RNF216: variants seen among roughly 807,000 people sequenced by gnomAD.
The protein encoded by RNF216 is E3 ubiquitin-protein ligase RNF216.
RNF216 carries 72 observed loss-of-function variants against 110.8 expected under a neutral mutation model. That is an observed-to-expected ratio of 0.65 (90% CI 0.54 to 0.79). The LOEUF (loss-of-function observed/expected upper bound fraction) is 0.79. Ranked by LOEUF, RNF216 falls within the 30% of genes least tolerant of loss-of-function variation. The pLI, the probability that RNF216 is intolerant of heterozygous loss-of-function variation, is 0.00. For missense variants in RNF216, 1,342 were observed against 1,141.2 expected (o/e 1.18, Z -2.54); for synonymous variants, 495 against 407.5 (o/e 1.21, Z -2.59).
intron 15 of RNF216, among the ~76,000 whole-genome samples, chr7:5,628,649 G>A (rs1449387412): frequency 6.6e-6 from 1 of 150,680 alleles, no homozygotes; most frequent in Non-Finnish European, 1.5e-5. Context: ...TAGCCTCTTG[G>A]TAGCTCAGAC....
At chr7:5,720,965 C>G (rs1793381606) in intron 9 of RNF216, 68 bp downstream of exon 9, 1 of 1,476,560 alleles carries the variant, frequency 6.8e-7, no homozygotes, top group South Asian at 1.2e-5. Flanking sequence ...CAGTTTTGTA[C>G]TAACTAAACC....
At chr7:5,743,723 A>C (rs1351595992) in intron 3 of RNF216, among the ~76,000 whole-genome samples, 2 of 152,230 alleles carry the variant, frequency 1.3e-5, no homozygotes, top group African/African-American at 4.8e-5. Flanking sequence ...AACTGGTAAC[A>C]ACAGTTCCTC....
intron 10 of RNF216, 88 bp from the exon 11 acceptor site, chr7:5,715,278 C>T: frequency 7.4e-7 from 1 of 1,354,276 alleles, no homozygotes; most frequent in Non-Finnish European, 1.0e-6. Flanking sequence ...TCTGCCACCC[C>T]CCACACAAAT....
chr7:5,769,720 C>CA (rs1049597355), intron 1 of RNF216, among the ~76,000 whole-genome samples: 11 of 148,422 alleles, frequency 7.4e-5, no homozygotes, highest in Admixed American at 1.3e-4. Flanking sequence ...AGAGCTGTCT[C>CA]AAAAAAAAGA....
intron 2 of RNF216, among the ~76,000 whole-genome samples, chr7:5,758,875 T>C (rs558572645): frequency 1.3e-5 from 2 of 152,198 alleles, no homozygotes; most frequent in Admixed American, 1.3e-4. Flanking sequence ...GAAGACGCAA[T>C]TGTATTTAGC....
chr7:5,714,838 C>T (rs1201843216), intron 11 of RNF216, among the ~76,000 whole-genome samples: 6 of 152,150 alleles, frequency 3.9e-5, no homozygotes, highest in African/African-American at 1.4e-4. Context: ...TGCGGCTAGG[C>T]GTGGGAGTGT....
chr7:5,775,316 A>G (rs966028102), intron 1 of RNF216: 3 of 152,122 alleles, frequency 2.0e-5, no homozygotes, highest in Admixed American at 6.6e-5. Context: ...TCAAAATCTC[A>G]CCTTCACTTC....
At chr7:5,726,899 A>C (rs1226723564) in intron 7 of RNF216, among the ~76,000 whole-genome samples, 2 of 152,022 alleles carry the variant, frequency 1.3e-5, no homozygotes, top group African/African-American at 4.8e-5. Flanking sequence ...GCCATCCTAA[A>C]AACAGGAGGG....
chr7:5,731,856 C>T (rs1363380968), intron 5 of RNF216, among the ~76,000 whole-genome samples: 1 of 145,116 alleles, frequency 6.9e-6, no homozygotes, highest in Non-Finnish European at 1.5e-5. Context: ...AAAAAGTGCT[C>T]AGCTCTGCTC....
chr7:5,673,764 C>T (rs1222405047), intron 13 of RNF216, among the ~76,000 whole-genome samples: 1 of 151,866 alleles, frequency 6.6e-6, no homozygotes, highest in Non-Finnish European at 1.5e-5. Context: ...GTAATTCCAG[C>T]ATTTTGGGAG....
intron 13 of RNF216, among the ~76,000 whole-genome samples, chr7:5,670,599 T>C (rs1789841168): frequency 6.6e-6 from 1 of 152,234 alleles, no homozygotes; most frequent in African/African-American, 2.4e-5. Context: ...CTCACCATTC[T>C]GACCCCAAAG....
At chr7:5,750,097 T>A (rs1399569853) in intron 3 of RNF216, among the ~76,000 whole-genome samples, 1 of 152,262 alleles carries the variant, frequency 6.6e-6, no homozygotes, top group Non-Finnish European at 1.5e-5. Flanking sequence ...TATCATTATT[T>A]GCATATCTGT....
intron 15 of RNF216, among the ~76,000 whole-genome samples, chr7:5,628,681 C>T (rs7788185): frequency 7.4e-6 from 1 of 134,252 alleles, no homozygotes; most frequent in Non-Finnish European, 1.5e-5. Flanking sequence ...ACCACCATAT[C>T]TGACTTTTTT....
rs1401598269 is a variant in RNF216, at chr7:5,712,627, C to G, written c.1982+88G>C. The G allele has an allele frequency of 2.4e-5, 31 of 1,300,602 alleles. No homozygotes were observed. The Admixed American group carries it at 6.3e-4, about 26-fold the overall frequency. The allele number at this position is 1,300,602 out of a possible 1,614,324, so 80.6% of individuals were successfully genotyped here. On this transcript the variant is annotated intron_variant, in intron 12 of 16. Transcript: ENST00000389902. ...AATGTCAAAAAACCTGGAAGATAAACACAATTTTCATCATCTGATGCAAGT... is the reference window on the plus strand; with the variant it reads ...AATGTCAAAAAACCTGGAAGATAAAGACAATTTTCATCATCTGATGCAAGT...
Position 5,729,465 on chromosome 7 carries a change from G to A in RNF216, c.1356C>T (p.His452=), listed in dbSNP as rs776720783. ...TGATTGCATAGTGTCCTTTGAGCTC[G>A]TGCAGGGCCCACTTGATGTCCTGAC... is the stretch of plus-strand genomic sequence containing the variant. ...LSSQDIKWAL[H]ELKGHYAITR... The change falls in exon 7 of 17, where the codon CAC becomes CAT. Residue 452 remains histidine (H), a synonymous_variant. Transcript: ENST00000389902. 8 of 1,614,026 alleles carry A rather than the reference G, an allele frequency of 5.0e-6. No homozygotes were observed. Among genetic ancestry groups the A allele is most frequent in the Admixed American group, 1.7e-5 (1 of 60,006 alleles).
intron 15 of RNF216, among the ~76,000 whole-genome samples, chr7:5,629,939 A>G (rs1316374205): frequency 1.3e-5 from 2 of 152,070 alleles, no homozygotes; most frequent in African/African-American, 4.8e-5. Flanking sequence ...TAAGTGACAG[A>G]TGGGGTATTG....
chr7:5,675,042 G>C (rs917574489), intron 13 of RNF216, among the ~76,000 whole-genome samples: 33 of 152,052 alleles, frequency 2.2e-4, no homozygotes, highest in African/African-American at 7.2e-4. Context: ...GCAAATGTCG[G>C]TACAGAATGG....
At chr7:5,645,832 C>T (rs542466010) in intron 14 of RNF216, among the ~76,000 whole-genome samples, 5 of 152,226 alleles carry the variant, frequency 3.3e-5, no homozygotes, top group African/African-American at 7.2e-5. Flanking sequence ...TCAAGTGATC[C>T]GCCCACGTCA....
At chr7:5,735,854 G>C (rs1432953485) in intron 5 of RNF216, among the ~76,000 whole-genome samples, 3 of 152,176 alleles carry the variant, frequency 2.0e-5, no homozygotes, top group African/African-American at 7.2e-5. Context: ...CAGCACTTTG[G>C]GAGGCCGAGG....
Sources: gnomAD v4.1 joint callset for allele counts (sites outside exome capture counted in the v4.1 genomes callset) on GRCh38, gnomAD v4.1.1 for gene constraint, MANE v1.5 for transcripts, NCBI Gene and HGNC (gene_info 2026-07-23, HGNC 2026-07-21) for gene names.